Variants in EDARADD observed in about 807,000 individuals in gnomAD.
EDARADD encodes the protein ectodysplasin-A receptor-associated adapter protein.
EDARADD carries 20 observed loss-of-function variants against 25.6 expected under a neutral mutation model. The ratio of observed to expected loss-of-function variants is 0.78; its 90% CI spans 0.55 to 1.14. The LOEUF (loss-of-function observed/expected upper bound fraction) is 1.14. Among genes scored for constraint, EDARADD ranks in the 50% most tolerant of loss-of-function variants. EDARADD has a pLI of 0.00. For synonymous variants in EDARADD, 86 were observed against 94.4 expected, an observed-to-expected ratio of 0.91 and a Z score of 0.52; for missense variants, 225 against 270.1, an observed-to-expected ratio of 0.83 and a Z score of 1.17.
At chr1:236,420,964 C>T (rs1036216963) in intron 3 of EDARADD, among the ~76,000 whole-genome samples, 2 of 147,296 alleles carry the variant, frequency 1.4e-5, no homozygotes, top group African/African-American at 5.0e-5. Flanking sequence ...GAAGTCCTGA[C>T]CTCAGGTGAT....
In EDARADD at chr1:236,454,393, C is replaced by T. The variant is rs539509696; in HGVS notation, c.220-13838C>T. Among the ~76,000 whole-genome samples, 46 of 152,288 alleles carry T rather than the reference C, an allele frequency of 3.0e-4. No individual in the cohort carries two copies. In the East Asian group the frequency reaches 8.5e-3, roughly 28 times the overall value. ...GGACACGCCCCTTTGTCTTTGACCCCTCACACACCGCCTGCACCTTCCTTT... is the reference window on the plus strand; with the variant it reads ...GGACACGCCCCTTTGTCTTTGACCCTTCACACACCGCCTGCACCTTCCTTT... On this transcript the variant is annotated intron_variant, in intron 4 of 5. Transcript: ENST00000334232.
chr1:236,376,578 C>G (rs1432557181), intron 3 of EDARADD, among the ~76,000 whole-genome samples: 1 of 152,102 alleles, frequency 6.6e-6, no homozygotes, highest in Non-Finnish European at 1.5e-5. Context: ...TTTTTTCTCT[C>G]TGTCTTTTTT....
Position 236,395,330 on chromosome 1 carries a change from T to C in EDARADD, c.61+825T>C, listed in dbSNP as rs2103000512. The stretch of plus-strand genomic sequence containing the variant: ...GGGACACTCGGGGCCCCGCCTTGCG[T>C]CCCAGCCCCGGGTCGCGGCACCCCG... On this transcript the variant is annotated intron_variant, in intron 1 of 5. Transcript: ENST00000334232. The surrounding 1 kb of genome is among the most constrained non-coding windows in gnomAD (Gnocchi z 6.9). 3 of 1,302,276 alleles carry C rather than the reference T, an allele frequency of 2.3e-6. No individual in the cohort carries two copies. The highest frequency in any genetic ancestry group is 7.2e-5 in the Admixed American group (2 of 27,658). 80.7% of individuals were successfully genotyped at this position (1,302,276 alleles called of 1,614,324 possible).
intron 4 of EDARADD, among the ~76,000 whole-genome samples, chr1:236,460,335 C>T (rs1366271403): frequency 6.6e-6 from 1 of 151,888 alleles, no homozygotes; most frequent in Non-Finnish European, 1.5e-5. Flanking sequence ...CAGGCGCTCA[C>T]CACAACACCT....
intron 3 of EDARADD, among the ~76,000 whole-genome samples, chr1:236,389,025 G>A (rs1489613085): frequency 6.6e-6 from 1 of 152,100 alleles, no homozygotes; most frequent in Non-Finnish European, 1.5e-5. Flanking sequence ...TTCTCTAGCT[G>A]AATTTCATTA....
At chr1:236,392,859 G>A (rs147560170), upstream of EDARADD, among the ~76,000 whole-genome samples, 2,937 of 152,114 alleles carry the variant, frequency 0.019, 94 homozygotes, top group African/African-American at 0.065. Context: ...AAGCAGAGAC[G>A]GGGTTTCACC....
chr1:236,471,594 T>C (rs1315129822), intron 5 of EDARADD, among the ~76,000 whole-genome samples: 1 of 152,156 alleles, frequency 6.6e-6, no homozygotes, highest in African/African-American at 2.4e-5. Context: ...CCACCTGGGA[T>C]AGAGTTATTT....
chr1:236,384,037 G>A (rs190694778), intron 3 of EDARADD, among the ~76,000 whole-genome samples: 1 of 152,240 alleles, frequency 6.6e-6, no homozygotes, highest in Non-Finnish European at 1.5e-5. Flanking sequence ...ATATTTTTGA[G>A]TTTATATCGT....
intron 4 of EDARADD, among the ~76,000 whole-genome samples, chr1:236,463,746 T>G (rs1423644566): frequency 2.0e-5 from 3 of 152,188 alleles, no homozygotes; most frequent in Non-Finnish European, 1.5e-5. Context: ...CATTTCTGCT[T>G]CCTAGGCCCT....
Position 236,395,302 on chromosome 1 carries a change from C to T in EDARADD, c.61+797C>T, listed in dbSNP as rs1340810198. 8.3e-7 allele frequency: 1 copy of T among 1,208,018 alleles called. No individual in the cohort carries two copies. 74.8% of individuals were successfully genotyped at this position (1,208,018 alleles called of 1,614,324 possible). ...ACGCGCGCTCTGGGCGCTGGGGACG[C>T]CCGGGACACTCGGGGCCCCGCCTTG... On this transcript the variant is annotated intron_variant, in intron 1 of 5. Coordinates refer to ENST00000334232, the MANE Select transcript of EDARADD (RefSeq NM_145861.4). This position sits in a 1 kb window ranked among gnomAD's most constrained non-coding sequence, Gnocchi z 6.9.
chr1:236,374,321 G>T (rs1667201585), intron 3 of EDARADD, among the ~76,000 whole-genome samples: 1 of 148,036 alleles, frequency 6.8e-6, no homozygotes, highest in Non-Finnish European at 1.5e-5. Flanking sequence ...TTGAGACAGG[G>T]TCTTGCTCTG....
intron 5 of EDARADD, among the ~76,000 whole-genome samples, chr1:236,474,671 CTT>C (rs1659453759): frequency 6.6e-6 from 1 of 152,218 alleles, no homozygotes; most frequent in Non-Finnish European, 1.5e-5. Flanking sequence ...GAAGTTCCCT[CTT>C]TAGGTATTAA....
chr1:236,425,431 C>T (rs1657890750), intron 3 of EDARADD, among the ~76,000 whole-genome samples: 1 of 152,120 alleles, frequency 6.6e-6, no homozygotes. Context: ...CAGGGAAACT[C>T]CCCTGGGGAA....
Position 236,483,584 on chromosome 1 carries a change from C to G in EDARADD, c.*935C>G. The G allele has an allele frequency of 6.9e-7, 1 of 1,445,646 alleles. No homozygotes were observed. Among genetic ancestry groups the G allele is most frequent in the Non-Finnish European group, 9.7e-7 (1 of 1,028,680 alleles). 89.6% of individuals were successfully genotyped at this position (1,445,646 alleles called of 1,614,324 possible). The stretch of plus-strand genomic sequence containing the variant: ...ACCACATCGCCGACTTGTCTGGCAA[C>G]TCCAAAGTCATCTTGCCAGTCCCGG... On this transcript the variant is annotated 3_prime_UTR_variant, in exon 6 of 6. Coordinates refer to ENST00000334232, the MANE Select transcript of EDARADD (RefSeq NM_145861.4).
At chr1:236,465,386 G>T (rs1659160115) in intron 4 of EDARADD, among the ~76,000 whole-genome samples, 3 of 152,096 alleles carry the variant, frequency 2.0e-5, no homozygotes, top group Non-Finnish European at 4.4e-5. Context: ...CGTTTTGTTT[G>T]TTTTTCTTAA....
At chr1:236,444,610 C>T (rs1026071825) in intron 4 of EDARADD, among the ~76,000 whole-genome samples, 13 of 152,064 alleles carry the variant, frequency 8.5e-5, no homozygotes. Context: ...TTAGTAGAGA[C>T]GGGGTTTCGC....
At chr1:236,464,730 G>T (rs1659141194) in intron 4 of EDARADD, among the ~76,000 whole-genome samples, 1 of 152,000 alleles carries the variant, frequency 6.6e-6, no homozygotes. Flanking sequence ...ACCGTGCCTG[G>T]CCATTTGCTG....
At chr1:236,355,500 CTTTTTTTTTTTT>C (rs563976436) in intron 3 of EDARADD, among the ~76,000 whole-genome samples, 2 of 73,144 alleles carry the variant, frequency 2.7e-5, no homozygotes, top group Non-Finnish European at 4.8e-5. Context: ...GCTTCTTCTT[CTTTTTTTTTTTT>C]TTTTTTTTTT....
intron 3 of EDARADD, among the ~76,000 whole-genome samples, chr1:236,369,089 C>T (rs921925226): frequency 6.6e-6 from 1 of 152,146 alleles, no homozygotes; most frequent in Non-Finnish European, 1.5e-5. Flanking sequence ...CCACTGTGCC[C>T]AGCCTATAGC....
Sources: allele counts gnomAD v4.1 joint callset (sites outside exome capture counted in the v4.1 genomes callset), GRCh38; gene constraint gnomAD v4.1.1; non-coding constraint Gnocchi (gnomAD v3.1); transcripts MANE v1.5; gene names NCBI Gene and HGNC (gene_info 2026-07-23, HGNC 2026-07-21).